The following CCDC47 variants were observed in gnomAD, a reference collection of about 807,000 sequenced individuals.
The protein encoded by CCDC47 is PAT complex subunit CCDC47.
A neutral mutation model predicts 60.5 loss-of-function variants in CCDC47; 41 were observed. The observed-to-expected ratio is 0.68, with a 90% CI of 0.53 to 0.88. The LOEUF (loss-of-function observed/expected upper bound fraction) is 0.88, where lower values mean the gene tolerates loss of function less well. Among genes scored for constraint, CCDC47 ranks in the 40% least tolerant of loss-of-function variants. The pLI is 0.00. For missense variants in CCDC47, 513 were observed against 580.9 expected (o/e 0.88, Z 1.20); for synonymous variants, 195 against 190.7 (o/e 1.02, Z -0.18).
At chr17:63,753,426 G>A (rs758917328) in intron 9 of CCDC47, 4 of 181,262 alleles carry the variant, frequency 2.2e-5, no homozygotes, top group Non-Finnish European at 4.2e-5. Context: ...GCACTATCTA[G>A]AGGCATAAGG....
chr17:63,761,695 TCAA>T, intron 4 of CCDC47: 2 of 187,720 alleles, frequency 1.1e-5, no homozygotes, highest in Non-Finnish European at 1.4e-5. Context: ...AGACTCTGTC[TCAA>T]AAAAAAAAAA....
At chr17:63,768,422 T>A (rs1163831722) in intron 1 of CCDC47, among the ~76,000 whole-genome samples, 1 of 148,182 alleles carries the variant, frequency 6.7e-6, no homozygotes, top group Non-Finnish European at 1.5e-5. Context: ...GGGTGGTGGC[T>A]CTCCCCTGTA....
intron 12 of CCDC47, among the ~76,000 whole-genome samples, chr17:63,750,737 A>C (rs2039156736): frequency 6.6e-6 from 1 of 152,048 alleles, no homozygotes; most frequent in South Asian, 2.1e-4. Context: ...GGCACGCGCC[A>C]CCACGCCCAG....
At chr17:63,747,249 A>G (rs1162754422) in intron 12 of CCDC47, 1 of 984,964 alleles carries the variant, frequency 1.0e-6, no homozygotes, top group African/African-American at 1.7e-5. Flanking sequence ...TTCTGGTTTG[A>G]TTTTTTTCTG....
chr17:63,756,048 T>A (rs908614141), intron 8 of CCDC47, among the ~76,000 whole-genome samples, 192 bp downstream of exon 8: 61 of 152,342 alleles, frequency 4.0e-4, no homozygotes, highest in Admixed American at 3.3e-3. Flanking sequence ...TTTAGAGAAC[T>A]TCTTGACTAA....
chr17:63,763,321 G>C (rs764092450), intron 4 of CCDC47, among the ~76,000 whole-genome samples: 1 of 152,036 alleles, frequency 6.6e-6, no homozygotes, highest in Non-Finnish European at 1.5e-5. Context: ...CCAGGAGTTC[G>C]AGACCAGCCT....
intron 12 of CCDC47, chr17:63,751,699 G>T: frequency 1.8e-6 from 1 of 567,568 alleles, no homozygotes. Flanking sequence ...TTTTCAAAAT[G>T]AAATTGTGCT....
Position 63,764,165 on chromosome 17 carries a change from C to G in CCDC47, c.398G>C (p.Trp133Ser). The change falls in exon 4 of 13, where the codon TGG (tryptophan) becomes TCG (serine). Residue 133 changes from tryptophan to serine, a missense_variant. Transcript: ENST00000225726. ...CAAAATTTCTAGATAATAACTCTCC[C>G]AGCTGTTCTGGAGGTGTGCAGGAAC... The part of the protein sequence containing the change: ...VDVPAHLQNS[W>S]ESYYLEILMV... The G allele has an allele frequency of 6.2e-7, 1 of 1,610,640 alleles. No individual in the cohort carries two copies. Among genetic ancestry groups the G allele is most frequent in the Non-Finnish European group, 8.5e-7 (1 of 1,178,912 alleles).
chr17:63,748,939 G>C (rs2039140560), intron 12 of CCDC47, among the ~76,000 whole-genome samples: 1 of 151,636 alleles, frequency 6.6e-6, no homozygotes, highest in African/African-American at 2.4e-5. Context: ...ACTTGAACCT[G>C]GGAGGCGGAG....
intron 12 of CCDC47, 74 bp downstream of exon 12, chr17:63,751,865 AC>A: frequency 6.6e-7 from 1 of 1,520,658 alleles, no homozygotes; most frequent in Non-Finnish European, 9.1e-7. Context: ...TACAAAGATT[AC>A]CTTAACAACC....
At chr17:63,757,310 C>G (rs2039215171) in intron 6 of CCDC47, among the ~76,000 whole-genome samples, 1 of 150,352 alleles carries the variant, frequency 6.7e-6, no homozygotes, top group Non-Finnish European at 1.5e-5. Flanking sequence ...AAGCTGGAGG[C>G]TGTAGTAAGT....
Position 63,745,463 on chromosome 17 carries a change from TAA to T in CCDC47, c.*1416_*1417del, listed in dbSNP as rs2039114492. On this transcript the variant is annotated 3_prime_UTR_variant, in exon 13 of 13. Transcript: ENST00000225726. ...TATAATTATATAATATTAAAGTAAT[TAA>T]GTTTTATGTTAGTTATTTTAATAAC... 2.0e-5 allele frequency: 3 copies of T among 152,342 alleles called. No homozygotes were observed. Among genetic ancestry groups the T allele is most frequent in the South Asian group, 2.1e-4 (1 of 4,826 alleles). The allele number at this position is 152,342 out of a possible 1,614,324, so 9.4% of individuals were successfully genotyped here.
At chr17:63,755,915 C>G (rs1334230840) in intron 8 of CCDC47, among the ~76,000 whole-genome samples, 7 of 117,894 alleles carry the variant, frequency 5.9e-5, no homozygotes, top group African/African-American at 2.6e-4. Flanking sequence ...CCCACACAAA[C>G]TGGAGCTCAA....
At chr17:63,758,703 T>C (rs2039226429) in intron 6 of CCDC47, among the ~76,000 whole-genome samples, 1 of 151,028 alleles carries the variant, frequency 6.6e-6, no homozygotes, top group Non-Finnish European at 1.5e-5. Flanking sequence ...AAGAGTCTGA[T>C]ATGATATATT....
At chr17:63,769,240 G>C (rs1296912173) in intron 1 of CCDC47, among the ~76,000 whole-genome samples, 1 of 143,222 alleles carries the variant, frequency 7.0e-6, no homozygotes, top group Non-Finnish European at 1.5e-5. Context: ...ACAGAGCAAG[G>C]CTGTCTAAAA....
chr17:63,756,403 G>A, intron 7 of CCDC47, 53 bp from the exon 8 acceptor site: 1 of 1,577,034 alleles, frequency 6.3e-7, no homozygotes, highest in Non-Finnish European at 8.7e-7. Flanking sequence ...ATGCAATGAA[G>A]CTGAATATGT....
At chr17:63,753,282 C>T (rs2039180784) in intron 9 of CCDC47, 2 of 843,292 alleles carry the variant, frequency 2.4e-6, no homozygotes, top group South Asian at 5.5e-5. Flanking sequence ...TTGAAGATTC[C>T]TTTGTAATCT....
chr17:63,754,316 C>G (rs917562300), intron 9 of CCDC47, 117 bp downstream of exon 9: 1 of 678,510 alleles, frequency 1.5e-6, no homozygotes, highest in African/African-American at 1.8e-5. Flanking sequence ...ATGTGGAGGC[C>G]TGTCACCAAC....
intron 4 of CCDC47, among the ~76,000 whole-genome samples, chr17:63,762,593 A>T (rs1227207281): frequency 1.3e-5 from 2 of 152,246 alleles, no homozygotes; most frequent in African/African-American, 4.8e-5. Context: ...AAGAGAAATA[A>T]GGTGCTAAAT....
Sources: gnomAD v4.1 joint callset for allele counts (sites outside exome capture counted in the v4.1 genomes callset) on GRCh38, gnomAD v4.1.1 for gene constraint, MANE v1.5 for transcripts, NCBI Gene and HGNC (gene_info 2026-07-23, HGNC 2026-07-21) for gene names.